PRR16: variants seen among roughly 807,000 people sequenced by gnomAD.
PRR16 encodes protein Largen.
In PRR16, 6 loss-of-function variants were observed where a neutral mutation model predicts 18.2. The observed-to-expected ratio is 0.33, with a 90% CI of 0.18 to 0.65. The LOEUF (loss-of-function observed/expected upper bound fraction) is 0.65. Among genes scored for constraint, PRR16 ranks in the 30% least tolerant of loss-of-function variants. PRR16 has a pLI of 0.74. For missense variants in PRR16, 412 were observed against 376.6 expected (o/e 1.09, Z -0.78); for synonymous variants, 151 against 147.8 (o/e 1.02, Z -0.16).
At chr5:120,703,647 T>G in the PRR16 span, among the ~76,000 whole-genome samples, 1 of 152,388 alleles carries the variant, frequency 6.6e-6, no homozygotes, top group East Asian at 1.9e-4. Context: ...TGGCTTTGTC[T>G]ATTGCTTTTA....
chr5:120,598,118 G>A (rs961293480), intron 1 of PRR16, among the ~76,000 whole-genome samples: 12 of 150,610 alleles, frequency 8.0e-5, no homozygotes, highest in Non-Finnish European at 1.8e-4. Flanking sequence ...TTTATGTATA[G>A]GTTACCTTGT....
At chr5:120,546,619 T>C (rs1752082125) in intron 1 of PRR16, among the ~76,000 whole-genome samples, 1 of 152,148 alleles carries the variant, frequency 6.6e-6, no homozygotes, top group South Asian at 2.1e-4. Flanking sequence ...CTGCTTAATC[T>C]GCTGAAGTAA....
the PRR16 span, among the ~76,000 whole-genome samples, chr5:120,736,425 C>T: frequency 6.6e-6 from 1 of 151,770 alleles, no homozygotes; most frequent in African/African-American, 2.4e-5. Flanking sequence ...GCACCATGCC[C>T]AGCTAATTTT....
chr5:120,474,145 G>GAAGGCC (rs1749359879), intron 1 of PRR16, among the ~76,000 whole-genome samples: 1 of 152,152 alleles, frequency 6.6e-6, no homozygotes, highest in Non-Finnish European at 1.5e-5. Flanking sequence ...CATGTCTAAG[G>GAAGGCC]ATTTTGATTC....
chr5:120,781,996 CAG>C, the PRR16 span, among the ~76,000 whole-genome samples: 2,260 of 117,066 alleles, frequency 0.019, 52 homozygotes, highest in African/African-American at 0.076. Flanking sequence ...CTAATAAAAA[CAG>C]TGATTTGCAT....
At chr5:120,646,691 G>A (rs1755613991) in intron 1 of PRR16, among the ~76,000 whole-genome samples, 1 of 151,866 alleles carries the variant, frequency 6.6e-6, no homozygotes, top group Non-Finnish European at 1.5e-5. Context: ...AGTCAATATG[G>A]GACTCCTGAC....
intron 1 of PRR16, among the ~76,000 whole-genome samples, chr5:120,609,274 A>G (rs75743886): frequency 0.059 from 8,953 of 152,142 alleles, 340 homozygotes; most frequent in South Asian, 0.089. Context: ...TACATTTACA[A>G]TGCTGTGCAA....
intron 1 of PRR16, among the ~76,000 whole-genome samples, chr5:120,574,991 A>G (rs1301665784): frequency 6.7e-6 from 1 of 148,812 alleles, no homozygotes; most frequent in Non-Finnish European, 1.5e-5. Context: ...AGGTGAGTGC[A>G]TTTCAATAAG....
At position 120,655,829 on chromosome 5, in the gene PRR16, G is replaced by C. The variant is rs79644267; in HGVS notation, c.160-30125G>C. ...AAGAGAAGTGAGACACCCTCTTGAAGATCTAGGTGGATTTAGGAAAGGTCG... is the reference window on the plus strand; with the variant it reads ...AAGAGAAGTGAGACACCCTCTTGAACATCTAGGTGGATTTAGGAAAGGTCG... On this transcript the variant is annotated intron_variant, in intron 1 of 1. Coordinates refer to ENST00000407149, the MANE Select transcript of PRR16 (RefSeq NM_001300783.2). 3.4e-4 allele frequency among the ~76,000 whole-genome samples: 52 copies of C among 151,298 alleles called. 1 individual carries two copies. The highest frequency in any genetic ancestry group is 3.1e-3 in the East Asian group (16 of 5,110).
At chr5:120,742,200 T>A in the PRR16 span, among the ~76,000 whole-genome samples, 1 of 151,490 alleles carries the variant, frequency 6.6e-6, no homozygotes, top group Non-Finnish European at 1.5e-5. Flanking sequence ...CATTTGCTAA[T>A]GTAATGAACA....
chr5:120,558,596 G>C (rs1281104627), intron 1 of PRR16, among the ~76,000 whole-genome samples: 2 of 151,950 alleles, frequency 1.3e-5, no homozygotes, highest in African/African-American at 4.8e-5. Context: ...TGTGAACAGT[G>C]ATGCAACAAA....
intron 1 of PRR16, among the ~76,000 whole-genome samples, chr5:120,672,538 A>ATGTGTG (rs1211476819): frequency 2.0e-5 from 1 of 49,478 alleles, no homozygotes; most frequent in African/African-American, 5.2e-5. Flanking sequence ...TTATAGATAT[A>ATGTGTG]TATGTGTGTG....
the PRR16 span, among the ~76,000 whole-genome samples, chr5:120,768,542 G>C: frequency 6.6e-6 from 1 of 151,400 alleles, no homozygotes; most frequent in Non-Finnish European, 1.5e-5. Context: ...CAGGAACTCC[G>C]AATCCTGAAT....
rs1483538900 is a variant in PRR16, at chr5:120,686,459, C to G, written c.665C>G (p.Thr222Ser). The G allele has an allele frequency of 1.9e-6, 3 of 1,613,962 alleles. No homozygotes were observed. The highest frequency in any genetic ancestry group is 1.3e-5 in the African/African-American group (1 of 74,878). Residue 222 changes from threonine (T) to serine (S), a missense_variant, in exon 2 of 2, where the codon ACC (threonine) becomes AGC (serine). By Grantham distance (58) the Thr-to-Ser change is moderately conservative. Transcript: ENST00000407149. ...CATGGCTATTGTCCTGACTGTGATA[C>G]CCGGTATAACATAAAAAACAGGGAG... Reference protein sequence around the residue: ...QYHGYCPDCDTRYNIKNREVH... With the variant: ...QYHGYCPDCDSRYNIKNREVH...
the PRR16 span, among the ~76,000 whole-genome samples, chr5:120,784,700 A>T: frequency 1.3e-5 from 2 of 152,228 alleles, no homozygotes; most frequent in Non-Finnish European, 2.9e-5. Context: ...ATTTTTATCC[A>T]TGAAAGCTCT....
intron 1 of PRR16, among the ~76,000 whole-genome samples, chr5:120,469,776 A>G (rs1449692020): frequency 6.6e-6 from 1 of 152,134 alleles, no homozygotes; most frequent in Non-Finnish European, 1.5e-5. Flanking sequence ...ATGCTCTGAA[A>G]TTTTTCTTTA....
intron 1 of PRR16, among the ~76,000 whole-genome samples, chr5:120,537,769 GTT>G (rs71623210): frequency 0.011 from 1,319 of 114,932 alleles, 49 homozygotes; most frequent in African/African-American, 0.026. Context: ...AATTTTTAAT[GTT>G]TTTTTTTTTT....
At chr5:120,657,561 A>G (rs1412191539) in intron 1 of PRR16, among the ~76,000 whole-genome samples, 1 of 151,942 alleles carries the variant, frequency 6.6e-6, no homozygotes, top group Admixed American at 6.6e-5. Flanking sequence ...CTGCAAGGAT[A>G]TCTTAGTCTA....
intron 1 of PRR16, among the ~76,000 whole-genome samples, chr5:120,565,475 G>A (rs989161612): frequency 1.1e-4 from 17 of 152,154 alleles, no homozygotes; most frequent in African/African-American, 3.9e-4. Context: ...TAAATGTGCA[G>A]AAGACATTCA....
Sources: gnomAD v4.1 joint callset for allele counts (sites outside exome capture counted in the v4.1 genomes callset) on GRCh38, gnomAD v4.1.1 for gene constraint, MANE v1.5 for transcripts, NCBI Gene and HGNC (gene_info 2026-07-23, HGNC 2026-07-21) for gene names.